The following ARMC10 variants were observed in gnomAD, a reference collection of about 807,000 sequenced individuals.
ARMC10 encodes the protein armadillo repeat-containing protein 10.
A neutral mutation model predicts 30.2 loss-of-function variants in ARMC10; 23 were observed. The ratio of observed to expected loss-of-function variants is 0.76; its 90% CI spans 0.55 to 1.08. The LOEUF is 1.08. Among genes scored for constraint, ARMC10 ranks in the 50% least tolerant of loss-of-function variants. ARMC10 has a pLI of 0.00. For missense variants in ARMC10, 303 were observed against 413.7 expected, an observed-to-expected ratio of 0.73 and a Z score of 2.32; for synonymous variants, 111 against 164.4, an observed-to-expected ratio of 0.68 and a Z score of 2.48.
chr7:103,091,488 T>TTATATATATATATA (rs71110812), intron 4 of ARMC10, among the ~76,000 whole-genome samples: 2 of 29,004 alleles, frequency 6.9e-5, no homozygotes, highest in African/African-American at 7.5e-5. Flanking sequence ...AAGGGGTGAA[T>TTATATATATATATA]TATATATATA....
rs1197751031 is a variant in ARMC10, at chr7:103,099,734, T to C, written c.*1181T>C. 2.0e-5 allele frequency: 3 copies of C among 152,052 alleles called. No homozygotes were observed. The highest frequency in any genetic ancestry group is 4.4e-5 in the Non-Finnish European group (3 of 68,020). 9.4% of individuals were successfully genotyped at this position (152,052 alleles called of 1,614,324 possible). On this transcript the variant is annotated 3_prime_UTR_variant, in exon 7 of 7. Coordinates refer to ENST00000323716, the MANE Select transcript of ARMC10 (RefSeq NM_031905.5). ...AATATGAGCCCAAATTGTATAATCT[T>C]TTTTTAATAAAGGGGAGAAAAATCA...
intron 2 of ARMC10, among the ~76,000 whole-genome samples, chr7:103,076,289 T>C (rs978372699): frequency 1.3e-5 from 2 of 152,230 alleles, no homozygotes; most frequent in Non-Finnish European, 2.9e-5. Context: ...ATTTGCTACA[T>C]GTAGTTTATC....
rs1177907138 is a variant in ARMC10, at chr7:103,075,431, G to T, written c.139+20G>T. On this transcript the variant is annotated intron_variant, in intron 1 of 6. Transcript: ENST00000323716. ...CCGCAGGTGGGACCCCGGGGTTTCC[G>T]GCAGGTGGGCGGGGACTGGGCAGGG... The T allele has an allele frequency of 3.1e-6, 4 of 1,287,450 alleles. No homozygotes were observed. The African/African-American group carries it at 4.5e-5, about 15-fold the overall frequency. 79.8% of individuals were successfully genotyped at this position (1,287,450 alleles called of 1,614,324 possible).
At chr7:103,090,067 A>G (rs1347576507) in intron 4 of ARMC10, among the ~76,000 whole-genome samples, 1 of 152,228 alleles carries the variant, frequency 6.6e-6, no homozygotes, top group African/African-American at 2.4e-5. Flanking sequence ...GCTCTTGAGA[A>G]TGTTACCCTA....
chr7:103,091,970 T>C (rs1453999824), intron 4 of ARMC10, among the ~76,000 whole-genome samples: 1 of 152,262 alleles, frequency 6.6e-6, no homozygotes, highest in African/African-American at 2.4e-5. Flanking sequence ...TGTAAAATGC[T>C]AAGCACTGTG....
chr7:103,099,470 T>A lies in ARMC10; in HGVS notation c.*917T>A, dbSNP rs1359565569. The A allele has an allele frequency of 7.4e-6, 1 of 134,258 alleles. No individual in the cohort carries two copies. The allele number at this position is 134,258 out of a possible 1,614,324, so 8.3% of individuals were successfully genotyped here. A position where few individuals can be genotyped will look rare whatever the true frequency, so the allele number is the denominator to read the frequency against. Reference sequence around the variant, plus strand: ...TGGGCAACAAGAGCAAAACTCTGTCTCAAAAAAAAAAAAAAATGATGGAGC... The same window carrying A: ...TGGGCAACAAGAGCAAAACTCTGTCACAAAAAAAAAAAAAAATGATGGAGC... On this transcript the variant is annotated 3_prime_UTR_variant, in exon 7 of 7. Coordinates refer to ENST00000323716, the MANE Select transcript of ARMC10 (RefSeq NM_031905.5).
At chr7:103,085,606 C>CTTTTTTTT (rs10581217) in intron 3 of ARMC10, among the ~76,000 whole-genome samples, 5 of 130,584 alleles carry the variant, frequency 3.8e-5, no homozygotes, top group African/African-American at 1.4e-4. Flanking sequence ...CATTTCTCTT[C>CTTTTTTTT]TTTTTTTTTT....
chr7:103,075,865 C>T lies in ARMC10; in HGVS notation c.228C>T (p.Ser76=). 1.2e-6 allele frequency: 2 copies of T among 1,603,776 alleles called. No individual in the cohort carries two copies. The highest frequency in any genetic ancestry group is 1.7e-6 in the Non-Finnish European group (2 of 1,174,448). Residue 76 remains serine, a synonymous_variant, in exon 2 of 7, where the codon TCC becomes TCT. Coordinates refer to ENST00000323716, the MANE Select transcript of ARMC10 (RefSeq NM_031905.5). ...QTGGTWESQW[S]KTSQPEDLTD... is the part of the protein sequence containing the mutation. Reference sequence around the variant, plus strand: ...GAGGTACCTGGGAGTCACAGTGGTCCAAGACCTCGCAGCCTGGTGTGTGTT... The same window carrying T: ...GAGGTACCTGGGAGTCACAGTGGTCTAAGACCTCGCAGCCTGGTGTGTGTT...
At chr7:103,084,779 A>G (rs896618512) in intron 3 of ARMC10, among the ~76,000 whole-genome samples, 1 of 152,220 alleles carries the variant, frequency 6.6e-6, no homozygotes, top group Non-Finnish European at 1.5e-5. Context: ...GGGTTGAAAG[A>G]AAGCCACTAG....
chr7:103,078,484 C>G (rs1385615669), intron 2 of ARMC10, among the ~76,000 whole-genome samples: 4 of 152,150 alleles, frequency 2.6e-5, no homozygotes, highest in Admixed American at 2.6e-4. Context: ...TTTGCTTCCC[C>G]TTCCACCATG....
At chr7:103,075,524 G>GAGGC (rs1276362849) in intron 1 of ARMC10, 113 bp downstream of exon 1, 1 of 1,122,048 alleles carries the variant, frequency 8.9e-7, no homozygotes, top group Non-Finnish European at 1.1e-6. Context: ...GCTAGAGGGA[G>GAGGC]AGGCAGTACT....
intron 2 of ARMC10, among the ~76,000 whole-genome samples, chr7:103,083,308 C>T (rs771185821): frequency 2.0e-5 from 3 of 152,010 alleles, no homozygotes; most frequent in Non-Finnish European, 2.9e-5. Flanking sequence ...AGTATGTATT[C>T]GATATTGTTT....
rs777442325 is a variant in ARMC10, at chr7:103,092,488, T to G, written c.540T>G (p.Ser180Arg). 1.9e-6 allele frequency: 3 copies of G among 1,581,424 alleles called. No homozygotes were observed. Among genetic ancestry groups the G allele is most frequent in the Non-Finnish European group, 2.6e-6 (3 of 1,154,738 alleles). The change falls in exon 5 of 7, where the codon AGT (serine) becomes AGG (arginine). Residue 180 changes from serine (S) to arginine (R), a missense_variant. Ser to Arg is a moderately radical substitution (Grantham distance 110). Around this residue, in one of 4 missense-constraint regions of ARMC10, gnomAD observed 170 missense variants for 207.2 expected, o/e 0.82. Coordinates refer to ENST00000323716, the MANE Select transcript of ARMC10 (RefSeq NM_031905.5). ...TCCCCTGCCTTCAGATATACATCAGTCAAGTATGTGAGGATGTCTTCTCTG... is the reference window on the plus strand; with the variant it reads ...TCCCCTGCCTTCAGATATACATCAGGCAAGTATGTGAGGATGTCTTCTCTG... ...ENQIKIKIYI[S>R]QVCEDVFSGP...
chr7:103,082,812 A>G (rs934816248), intron 2 of ARMC10, among the ~76,000 whole-genome samples: 2 of 151,886 alleles, frequency 1.3e-5, no homozygotes, highest in African/African-American at 2.4e-5. Context: ...AGGTAAAGCC[A>G]TAAGTTTAAA....
chr7:103,081,797 T>C, intron 2 of ARMC10: 2 of 442,054 alleles, frequency 4.5e-6, no homozygotes, highest in Non-Finnish European at 9.1e-6. Context: ...TATGTATGCA[T>C]GTGTATATGA....
At chr7:103,075,750 G>C in intron 1 of ARMC10, 27 bp from the exon 2 acceptor site, 1 of 1,557,350 alleles carries the variant, frequency 6.4e-7, no homozygotes, top group South Asian at 1.2e-5. Flanking sequence ...GAGGGGCCCA[G>C]AGCCATAGGT....
intron 4 of ARMC10, among the ~76,000 whole-genome samples, chr7:103,090,728 T>TAAAAAAAAAAAAAAAAAAA (rs34277044): frequency 2.1e-4 from 30 of 140,914 alleles, no homozygotes; most frequent in African/African-American, 7.7e-4. Flanking sequence ...AACCCATTTC[T>TAAAAAAAAAAAAAAAAAAA]AAAAAAAAAA....
chr7:103,084,294 CTT>C (rs1458982505), intron 3 of ARMC10, among the ~76,000 whole-genome samples: 2 of 152,172 alleles, frequency 1.3e-5, no homozygotes, highest in Non-Finnish European at 2.9e-5. Flanking sequence ...GACTAAAGAG[CTT>C]AATTTGAACA....
chr7:103,085,615 T>C (rs1358008671), intron 3 of ARMC10, among the ~76,000 whole-genome samples: 4 of 151,566 alleles, frequency 2.6e-5, no homozygotes, highest in Admixed American at 6.6e-5. Context: ...TCTTTTTTTT[T>C]TTTTTTTTTT....
Sources: allele counts gnomAD v4.1 joint callset (sites outside exome capture counted in the v4.1 genomes callset), GRCh38; gene constraint gnomAD v4.1.1; regional missense constraint gnomAD v4.1.1; transcripts MANE v1.5; gene names NCBI Gene and HGNC (gene_info 2026-07-23, HGNC 2026-07-21).